Variants in MDN1 observed in about 807,000 individuals in gnomAD.
The protein encoded by MDN1 is midasin.
A neutral mutation model predicts 669.2 loss-of-function variants in MDN1; 266 were observed. The ratio of observed to expected loss-of-function variants is 0.40; its 90% CI spans 0.36 to 0.44. The LOEUF (loss-of-function observed/expected upper bound fraction) is 0.44. Ranked by LOEUF, MDN1 falls within the 20% of genes least tolerant of loss-of-function variation. The pLI is 1.00. For missense variants in MDN1, 5,940 were observed against 6,754.0 expected (o/e 0.88, Z 4.22); for synonymous variants, 2,385 against 2,457.1 (o/e 0.97, Z 0.87).
intron 93 of MDN1, 48 bp downstream of exon 93, chr6:89,654,116 C>T: frequency 6.2e-7 from 1 of 1,602,792 alleles, no homozygotes; most frequent in Non-Finnish European, 8.5e-7. Flanking sequence ...GAACTGACTA[C>T]TTCAAGTCAG....
intron 69 of MDN1, among the ~76,000 whole-genome samples, chr6:89,686,564 T>C (rs1422629689): frequency 6.6e-6 from 1 of 152,260 alleles, no homozygotes; most frequent in Admixed American, 6.5e-5. Context: ...AGACTGTTCA[T>C]TCAAGCATGT....
In MDN1 at chr6:89,674,209, T is replaced by G; in HGVS notation, c.13142A>C (p.Gln4381Pro). The change falls in exon 79 of 102, where the codon CAA (glutamine) becomes CCA (proline). Residue 4381 changes from glutamine (Q) to proline (P), a missense_variant. Coordinates refer to ENST00000369393, the MANE Select transcript of MDN1 (RefSeq NM_014611.3). The stretch of plus-strand genomic sequence containing the variant: ...CTCTGTTAATCTCGTAGTTGACTGT[T>G]GCCAAAGGTGATCCTGTTTCCGCAT... ...CRMRKQDHLWQQSTTRLTEML... is the reference protein window; with the variant it reads ...CRMRKQDHLWPQSTTRLTEML... 3 of 1,614,246 alleles carry G rather than the reference T, an allele frequency of 1.9e-6. No individual in the cohort carries two copies. Among genetic ancestry groups the G allele is most frequent in the South Asian group, 2.2e-5 (2 of 91,082 alleles).
intron 12 of MDN1, among the ~76,000 whole-genome samples, chr6:89,776,085 C>T (rs1322419028): frequency 6.6e-6 from 1 of 152,172 alleles, no homozygotes; most frequent in African/African-American, 2.4e-5. Context: ...TAGTTACATT[C>T]CTGAGTCTAA....
Position 89,750,483 on chromosome 6 carries a change from G to A in MDN1, c.3277C>T (p.Leu1093=). The A allele has an allele frequency of 6.2e-7, 1 of 1,613,920 alleles. No homozygotes were observed. Among genetic ancestry groups the A allele is most frequent in the South Asian group, 1.1e-5 (1 of 91,054 alleles). Residue 1093 remains leucine (L), a synonymous_variant, in exon 24 of 102, where the codon CTG becomes TTG. Transcript: ENST00000369393. The stretch of plus-strand genomic sequence containing the variant: ...GTAGCTGCAGCCAGCCACTGGATCA[G>A]GCTTGTTTTACCAACTGATGTCTCT... ...QGETSVGKTS[L]IQWLAAATGN...
rs1269116754 is a variant in MDN1, at chr6:89,819,497, A to C, written c.102+9T>G. 1.9e-6 allele frequency: 3 copies of C among 1,604,212 alleles called. No individual in the cohort carries two copies. Among genetic ancestry groups the C allele is most frequent in the Non-Finnish European group, 2.5e-6 (3 of 1,179,290 alleles). Reference sequence around the variant, plus strand: ...GTTCCGGCGCTTTCCCTCTCCCTTCACGTCTTACCTGCTTGGCCAAGAACC... The same window carrying C: ...GTTCCGGCGCTTTCCCTCTCCCTTCCCGTCTTACCTGCTTGGCCAAGAACC... On this transcript the variant is annotated intron_variant, in intron 1 of 101. Coordinates refer to ENST00000369393, the MANE Select transcript of MDN1 (RefSeq NM_014611.3).
intron 1 of MDN1, 69 bp downstream of exon 1, chr6:89,819,437 G>A (rs1769106615): frequency 7.2e-7 from 1 of 1,383,612 alleles, no homozygotes; most frequent in Non-Finnish European, 1.0e-6. Context: ...ATCGGCGGGG[G>A]AGCGCAGGAA....
At chr6:89,654,435 C>G in intron 92 of MDN1, 101 bp from the exon 93 acceptor site, 1 of 1,470,922 alleles carries the variant, frequency 6.8e-7, no homozygotes, top group Non-Finnish European at 9.3e-7. Context: ...TTCCAAAATG[C>G]TAGTGATGCA....
At chr6:89,801,399 T>C (rs1002236556) in intron 2 of MDN1, among the ~76,000 whole-genome samples, 2 of 151,744 alleles carry the variant, frequency 1.3e-5, no homozygotes, top group Non-Finnish European at 1.5e-5. Context: ...ACACCTATAA[T>C]CCCAGCAATC....
Position 89,805,441 on chromosome 6 carries a change from C to A in MDN1, c.103-1887G>T, listed in dbSNP as rs573364062. Among the ~76,000 whole-genome samples the A allele has an allele frequency of 3.3e-5, 5 of 152,214 alleles. No individual in the cohort carries two copies. The East Asian group carries it at 9.7e-4, about 29-fold the overall frequency. On this transcript the variant is annotated intron_variant, in intron 1 of 101. Transcript: ENST00000369393. ...CCTGTAGTCTCAGCTCCTCAGGTGGCTGAAGTGGGAGGATAGCTTCAGCCT... is the reference window on the plus strand; with the variant it reads ...CCTGTAGTCTCAGCTCCTCAGGTGGATGAAGTGGGAGGATAGCTTCAGCCT...
At chr6:89,717,986 A>G (rs1013648834) in intron 43 of MDN1, among the ~76,000 whole-genome samples, 3 of 152,226 alleles carry the variant, frequency 2.0e-5, no homozygotes, top group African/African-American at 7.2e-5. Flanking sequence ...CTCCATCTCC[A>G]CACAAATGAA....
chr6:89,671,614 G>A (rs763395548), intron 82 of MDN1, among the ~76,000 whole-genome samples: 1 of 152,120 alleles, frequency 6.6e-6, no homozygotes, highest in Non-Finnish European at 1.5e-5. Flanking sequence ...AGCCCAGGAG[G>A]TCAAGGCTAC....
At chr6:89,701,256 A>G (rs1483737045) in intron 55 of MDN1, among the ~76,000 whole-genome samples, 2 of 152,256 alleles carry the variant, frequency 1.3e-5, no homozygotes, top group East Asian at 1.9e-4. Context: ...AATACAGTAT[A>G]ATCACTATTT....
chr6:89,745,192 TTCA>T, intron 29 of MDN1, 78 bp downstream of exon 29: 2 of 1,391,382 alleles, frequency 1.4e-6, no homozygotes, highest in Non-Finnish European at 1.9e-6. Flanking sequence ...GATTAATACT[TTCA>T]TGAGTTCTTC....
Position 89,668,169 on chromosome 6 carries a change from G to A in MDN1, c.13957-18C>T. ...CAAAATCCCTTAGAAAAAAGAAAAAGGAAGTGAACAATTAGGCACAAAAGC... is the reference window on the plus strand; with the variant it reads ...CAAAATCCCTTAGAAAAAAGAAAAAAGAAGTGAACAATTAGGCACAAAAGC... On this transcript the variant is annotated intron_variant, in intron 83 of 101. Transcript: ENST00000369393. 6.2e-7 allele frequency: 1 copy of A among 1,613,050 alleles called. No individual in the cohort carries two copies. The highest frequency in any genetic ancestry group is 1.1e-5 in the South Asian group (1 of 90,998).
chr6:89,763,076 T>C (rs987863542), intron 15 of MDN1, among the ~76,000 whole-genome samples: 2 of 151,952 alleles, frequency 1.3e-5, no homozygotes, highest in Admixed American at 6.6e-5. Context: ...TAAAAAAAAA[T>C]TGAAAGTCCT....
In MDN1 at chr6:89,687,125, T is replaced by C. The variant is rs185015024; in HGVS notation, c.11451-102A>G. On this transcript the variant is annotated intron_variant, in intron 68 of 101. Coordinates refer to ENST00000369393, the MANE Select transcript of MDN1 (RefSeq NM_014611.3). ...ATGCTCACATTTCTCTCCTCCCAAA[T>C]GGAGATGGAGGAGCCACCCAGTTTC... is the stretch of plus-strand genomic sequence containing the variant. 3.3e-6 allele frequency: 5 copies of C among 1,513,218 alleles called. No homozygotes were observed. The East Asian group carries it at 6.8e-5, about 20-fold the overall frequency. 93.7% of individuals were successfully genotyped at this position (1,513,218 alleles called of 1,614,324 possible).
At position 89,772,686 on chromosome 6, in the gene MDN1, G is replaced by C. The variant is rs752495675; in HGVS notation, c.1970C>G (p.Ser657Cys). Residue 657 changes from serine (S) to cysteine (C), a missense_variant, in exon 14 of 102, where the codon TCT (serine) becomes TGT (cysteine). Ser to Cys is a moderately radical substitution (Grantham distance 112). Around this residue, in one of 5 missense-constraint regions of MDN1, gnomAD observed 1,203 missense variants for 1,268.9 expected, o/e 0.95. Coordinates refer to ENST00000369393, the MANE Select transcript of MDN1 (RefSeq NM_014611.3). ...CACTGCAAGCTGCTCGATGAGAACA[G>C]AGGACGGCCGTGTAGCAGCGAAAGT... ...KFTFAATRPS[S>C]VLIEQLAVCV... 3 of 1,614,068 alleles carry C rather than the reference G, an allele frequency of 1.9e-6. No individual in the cohort carries two copies. Among genetic ancestry groups the C allele is most frequent in the Non-Finnish European group, 2.5e-6 (3 of 1,179,970 alleles).
intron 53 of MDN1, among the ~76,000 whole-genome samples, chr6:89,702,425 A>T (rs979729185): frequency 6.6e-6 from 1 of 152,228 alleles, no homozygotes; most frequent in Admixed American, 6.5e-5. Context: ...GAAGAGTTTC[A>T]GTTGTTTCAT....
Position 89,758,919 on chromosome 6 carries a change from C to T in MDN1, c.2502G>A (p.Leu834=), listed in dbSNP as rs374659614. The T allele has an allele frequency of 4.3e-6, 7 of 1,613,930 alleles. No individual in the cohort carries two copies. The highest frequency in any genetic ancestry group is 5.9e-6 in the Non-Finnish European group (7 of 1,179,786). ...AQAVKKGEWI[L]LDEINLAAPE... ...GAGCAGCCAAGTTAATCTCATCCAACAAGATCCACTCTCCTTTCTTTACAG... is the reference window on the plus strand; with the variant it reads ...GAGCAGCCAAGTTAATCTCATCCAATAAGATCCACTCTCCTTTCTTTACAG... The change falls in exon 18 of 102, where the codon TTG becomes TTA. Residue 834 remains leucine, a synonymous_variant. Transcript: ENST00000369393.
Sources: gnomAD v4.1 joint callset for allele counts (sites outside exome capture counted in the v4.1 genomes callset) on GRCh38, gnomAD v4.1.1 for gene constraint, gnomAD v4.1.1 regional missense constraint, MANE v1.5 for transcripts, NCBI Gene and HGNC (gene_info 2026-07-23, HGNC 2026-07-21) for gene names.